Variants in TAOK3 observed in about 807,000 individuals in gnomAD.
The protein encoded by TAOK3 is TAO kinase 3.
TAOK3 carries 40 observed loss-of-function variants against 120.4 expected under a neutral mutation model. The observed-to-expected ratio is 0.33, with a 90% CI of 0.26 to 0.43. The LOEUF is 0.43. Among genes scored for constraint, TAOK3 ranks in the 20% least tolerant of loss-of-function variants. TAOK3 has a pLI of 1.00. For synonymous variants in TAOK3, 355 were observed against 387.5 expected (o/e 0.92, Z 0.99); for missense variants, 821 against 1,112.1 (o/e 0.74, Z 3.72).
chr12:118,189,853 T>A lies in TAOK3; in HGVS notation c.1283A>T (p.His428Leu). The change falls in exon 14 of 21, where the codon CAC (histidine) becomes CTC (leucine). Residue 428 changes from histidine to leucine, a missense_variant. By Grantham distance (99) the His-to-Leu change is moderately conservative. Transcript: ENST00000392533. ...GGCAAAGCGCTCTCTGTTCCGGTAG[T>A]GGAGGGCCTGGCTCTGAACTGACTG... ...PTQSVQSQAL[H>L]YRNRERFATI... 3 of 1,614,198 alleles carry A rather than the reference T, an allele frequency of 1.9e-6. No homozygotes were observed. Among genetic ancestry groups the A allele is most frequent in the Non-Finnish European group, 2.5e-6 (3 of 1,180,028 alleles).
At chr12:118,363,461 A>T (rs1232362823) in intron 1 of TAOK3, among the ~76,000 whole-genome samples, 1 of 152,230 alleles carries the variant, frequency 6.6e-6, no homozygotes, top group African/African-American at 2.4e-5. Flanking sequence ...ATGGATATCT[A>T]AGAAGGATAA....
chr12:118,365,989 G>T (rs2045731016), intron 1 of TAOK3, among the ~76,000 whole-genome samples: 1 of 152,214 alleles, frequency 6.6e-6, no homozygotes, highest in Non-Finnish European at 1.5e-5. Flanking sequence ...CATGGGCTGG[G>T]CGCAGTGGCT....
At chr12:118,339,118 G>GAC (rs1184846910) in intron 1 of TAOK3, among the ~76,000 whole-genome samples, 1 of 152,066 alleles carries the variant, frequency 6.6e-6, no homozygotes, top group African/African-American at 2.4e-5. Flanking sequence ...ACAACGTGGT[G>GAC]ACACTAGAGT....
rs538495150 is a variant in TAOK3 at position 118,302,306 on chromosome 12, T to G, written c.-193-35547A>C. Among the ~76,000 whole-genome samples, 118 of 152,340 alleles carry G rather than the reference T, an allele frequency of 7.7e-4. 1 individual carries two copies. Among genetic ancestry groups the G allele is most frequent in the African/African-American group, 2.6e-3 (109 of 41,580 alleles). The stretch of plus-strand genomic sequence containing the variant: ...TCTCAGAATGAACAACAGTATAGCC[T>G]GGAGGGTTTTGGCACTGCCTCATCT... On this transcript the variant is annotated intron_variant, in intron 1 of 20. Coordinates refer to ENST00000392533, the MANE Select transcript of TAOK3 (RefSeq NM_016281.4).
chr12:118,273,542 T>G (rs1371950043), intron 1 of TAOK3, among the ~76,000 whole-genome samples: 1 of 150,416 alleles, frequency 6.6e-6, no homozygotes, highest in Non-Finnish European at 1.5e-5. Flanking sequence ...AGGTCGGGCA[T>G]AGTGGCTCAT....
rs376483165 is a variant in TAOK3, at chr12:118,159,274, TC to T, written c.2352+871del. ...CGAGCTTAGTTAGTCCTACTTGTTCTCCCCTAACCCCCAGTACCTCCCATTT... is the reference window on the plus strand; with the variant it reads ...CGAGCTTAGTTAGTCCTACTTGTTCTCCCTAACCCCCAGTACCTCCCATTT... On this transcript the variant is annotated intron_variant, in intron 19 of 20. Transcript: ENST00000392533. Among the ~76,000 whole-genome samples the T allele has an allele frequency of 6.5e-3, 990 of 151,656 alleles. 4 individuals are homozygous for T. Among genetic ancestry groups the T allele is most frequent in the Middle Eastern group, 0.031 (9 of 290 alleles).
In TAOK3 at chr12:118,180,218, G is replaced by A. The variant is rs369555234; in HGVS notation, c.1566+1153C>T. 2.0e-5 allele frequency among the ~76,000 whole-genome samples: 3 copies of A among 151,152 alleles called. No individual in the cohort carries two copies. In the East Asian group the frequency reaches 5.8e-4, roughly 29 times the overall value. ...CCACCTCGGCCTCCCAAAGTGCTGG[G>A]ATTGCAGGCGTGAGCCACTGTGCCT... On this transcript the variant is annotated intron_variant, in intron 15 of 20. Transcript: ENST00000392533.
chr12:118,314,264 T>C (rs1034130358), intron 1 of TAOK3, among the ~76,000 whole-genome samples: 3 of 152,234 alleles, frequency 2.0e-5, no homozygotes, highest in Non-Finnish European at 2.9e-5. Flanking sequence ...ATATGGAATT[T>C]AGGTTTTCAG....
At chr12:118,215,305 C>T (rs1381364516) in intron 9 of TAOK3, among the ~76,000 whole-genome samples, 2 of 126,964 alleles carry the variant, frequency 1.6e-5, no homozygotes, top group Non-Finnish European at 3.2e-5. Flanking sequence ...ACCATCCTGG[C>T]TAACACGGTG....
At chr12:118,300,972 C>T (rs1459814157) in intron 1 of TAOK3, among the ~76,000 whole-genome samples, 5 of 152,046 alleles carry the variant, frequency 3.3e-5, no homozygotes, top group Non-Finnish European at 7.4e-5. Flanking sequence ...GACGGGGTTT[C>T]ACCATGTTGG....
intron 2 of TAOK3, among the ~76,000 whole-genome samples, chr12:118,257,924 G>T (rs1434649361): frequency 6.6e-6 from 1 of 151,980 alleles, no homozygotes; most frequent in East Asian, 1.9e-4. Flanking sequence ...TCCTTAAAGG[G>T]CTTAGGAGTC....
At chr12:118,241,834 G>C (rs2040263526) in intron 5 of TAOK3, among the ~76,000 whole-genome samples, 1 of 152,122 alleles carries the variant, frequency 6.6e-6, no homozygotes, top group African/African-American at 2.4e-5. Flanking sequence ...CAGGTGGCCG[G>C]GTGCAGTGGC....
Position 118,161,120 on chromosome 12 carries a change from A to G in TAOK3, c.2139+668T>C, listed in dbSNP as rs1726392. Among the ~76,000 whole-genome samples the G allele has an allele frequency of 0.69, 104,727 of 152,186 alleles. 36,105 individuals carry two copies. The highest frequency in any genetic ancestry group is 0.72 in the South Asian group (3,478 of 4,822). ...TGATAGAAATCATTGCTTAGCTTAG[A>G]ATTTGACTGAAGAGACGCATAGCCA... On this transcript the variant is annotated intron_variant, in intron 18 of 20. Transcript: ENST00000392533. The surrounding 1 kb of genome is among the most constrained non-coding windows in gnomAD (Gnocchi z 4.5).
chr12:118,229,355 C>T (rs1289385960), intron 9 of TAOK3, among the ~76,000 whole-genome samples: 2 of 152,048 alleles, frequency 1.3e-5, no homozygotes, highest in African/African-American at 4.8e-5. Flanking sequence ...CCACCTTGGC[C>T]GCCCAAAGTG....
intron 1 of TAOK3, among the ~76,000 whole-genome samples, chr12:118,293,267 T>C (rs1244713326): frequency 6.6e-6 from 1 of 152,270 alleles, no homozygotes; most frequent in Admixed American, 6.5e-5. Context: ...CTCTATGTTC[T>C]TAAATTGACT....
intron 3 of TAOK3, among the ~76,000 whole-genome samples, chr12:118,247,876 A>G (rs902880536): frequency 2.0e-5 from 3 of 152,182 alleles, no homozygotes; most frequent in Admixed American, 6.6e-5. Flanking sequence ...AAATAAATAC[A>G]AGACATTAAA....
intron 2 of TAOK3, among the ~76,000 whole-genome samples, chr12:118,257,584 G>T (rs1025312194): frequency 6.6e-6 from 1 of 151,830 alleles, no homozygotes; most frequent in African/African-American, 2.4e-5. Context: ...TGACCAACTA[G>T]ATAACCAAGA....
chr12:118,223,214 G>A (rs1450842192), intron 9 of TAOK3, among the ~76,000 whole-genome samples: 1 of 149,188 alleles, frequency 6.7e-6, no homozygotes, highest in African/African-American at 2.5e-5. Flanking sequence ...GGGACTACAG[G>A]TGCCCGCCAC....
chr12:118,191,324 T>C (rs2037419036), intron 13 of TAOK3, among the ~76,000 whole-genome samples: 1 of 152,214 alleles, frequency 6.6e-6, no homozygotes, highest in Non-Finnish European at 1.5e-5. Context: ...ATTTATGTAT[T>C]ATAGCTCAAA....
Sources: allele counts gnomAD v4.1 joint callset (sites outside exome capture counted in the v4.1 genomes callset), GRCh38; gene constraint gnomAD v4.1.1; non-coding constraint Gnocchi (gnomAD v3.1); transcripts MANE v1.5; gene names NCBI Gene and HGNC (gene_info 2026-07-23, HGNC 2026-07-21).